The following PIEZO2 variants were observed in gnomAD, a reference collection of about 807,000 sequenced individuals.
The protein encoded by PIEZO2 is piezo type mechanosensitive ion channel component 2.
Under a neutral mutation model 337.3 loss-of-function variants are expected in PIEZO2, and 172 were observed. The ratio of observed to expected loss-of-function variants is 0.51; its 90% CI spans 0.45 to 0.58. The LOEUF (loss-of-function observed/expected upper bound fraction) is 0.58, where lower values mean the gene tolerates loss of function less well. PIEZO2 is among the 20% of genes least tolerant of loss of function. The pLI is 0.00. For missense variants in PIEZO2, 3,028 were observed against 3,391.3 expected (o/e 0.89, Z 2.66); for synonymous variants, 1,251 against 1,228.5 (o/e 1.02, Z -0.38).
intron 28 of PIEZO2, among the ~76,000 whole-genome samples, chr18:10,752,048 A>T (rs2062238473): frequency 6.6e-6 from 1 of 152,138 alleles, no homozygotes; most frequent in Non-Finnish European, 1.5e-5. Flanking sequence ...CTGTGTCCTG[A>T]TCTGAATGTC....
Position 10,784,978 on chromosome 18 carries a change from A to G in PIEZO2, c.2319-21T>C. 1 of 1,523,864 alleles carries G rather than the reference A, an allele frequency of 6.6e-7. No individual in the cohort carries two copies. The highest frequency in any genetic ancestry group is 2.5e-5 in the East Asian group (1 of 40,794). 94.4% of individuals were successfully genotyped at this position (1,523,864 alleles called of 1,614,324 possible). On this transcript the variant is annotated intron_variant, in intron 16 of 55. Coordinates refer to ENST00000674853, the MANE Select transcript of PIEZO2 (RefSeq NM_001378183.1). The surrounding 1 kb of genome is among the most constrained non-coding windows in gnomAD (Gnocchi z 4.5). Reference sequence around the variant, plus strand: ...CAAGCCTGCAAAACAAAACAAAATAAAAAGCAGGAACCTCTCTTACGCAAT... The same window carrying G: ...CAAGCCTGCAAAACAAAACAAAATAGAAAGCAGGAACCTCTCTTACGCAAT...
At chr18:10,730,685 CT>C (rs1313005660) in intron 36 of PIEZO2, among the ~76,000 whole-genome samples, 16 of 152,036 alleles carry the variant, frequency 1.1e-4, no homozygotes, top group African/African-American at 3.4e-4. Context: ...TGTGCTTTCC[CT>C]TTTTTCTTGA....
In PIEZO2 at chr18:10,837,898, C is replaced by CA. The variant is rs2041067568; in HGVS notation, c.917+17454_917+17455insT. 6.6e-6 allele frequency among the ~76,000 whole-genome samples: 1 copy of CA among 152,072 alleles called. No homozygotes were observed. Reference sequence around the variant, plus strand: ...TCCCGAGTAGCTGGGATTACTGGTGCCTGCCACCATGCCCGGCTAATTTTT... The same window carrying CA: ...TCCCGAGTAGCTGGGATTACTGGTGCACTGCCACCATGCCCGGCTAATTTTT... On this transcript the variant is annotated intron_variant, in intron 7 of 55. Transcript: ENST00000674853. This position sits in a 1 kb window ranked among gnomAD's most constrained non-coding sequence, Gnocchi z 4.4.
chr18:10,983,397 A>G (rs1309870953), intron 2 of PIEZO2, among the ~76,000 whole-genome samples: 2 of 152,188 alleles, frequency 1.3e-5, no homozygotes, highest in Non-Finnish European at 2.9e-5. Flanking sequence ...AAGGTGGCAC[A>G]ACTTGGTATC....
intron 3 of PIEZO2, among the ~76,000 whole-genome samples, chr18:10,922,431 T>C (rs2031480347): frequency 6.6e-6 from 1 of 151,520 alleles, no homozygotes; most frequent in Non-Finnish European, 1.5e-5. Flanking sequence ...GACAAAGAGA[T>C]GAGGTGAGGC....
chr18:11,045,135 A>C (rs1413355169), intron 2 of PIEZO2, among the ~76,000 whole-genome samples: 1 of 151,872 alleles, frequency 6.6e-6, no homozygotes, highest in Non-Finnish European at 1.5e-5. Flanking sequence ...CTCTACTAAA[A>C]ATGCAAAACA....
At chr18:10,946,246 A>G (rs1352305335) in intron 3 of PIEZO2, among the ~76,000 whole-genome samples, 1 of 152,240 alleles carries the variant, frequency 6.6e-6, no homozygotes, top group South Asian at 2.1e-4. Flanking sequence ...TTGCAGGCAG[A>G]CAAACAAAGA....
intron 2 of PIEZO2, among the ~76,000 whole-genome samples, chr18:10,998,218 C>A (rs193194594): frequency 6.6e-6 from 1 of 152,168 alleles, no homozygotes; most frequent in Non-Finnish European, 1.5e-5. Flanking sequence ...GAAAATTAAC[C>A]TGCTATCAAA....
intron 18 of PIEZO2, among the ~76,000 whole-genome samples, chr18:10,778,075 C>T (rs1414828808): frequency 2.0e-5 from 3 of 152,158 alleles, no homozygotes; most frequent in African/African-American, 7.2e-5. Context: ...TTAATCAACT[C>T]TTAAGTTGAA....
In PIEZO2 at chr18:10,773,731, T is replaced by C. The variant is rs2038686648; in HGVS notation, c.2568-102A>G. ...GATAAACACAAATGAAATCAGTGCA[T>C]GTACAAAGACCTCACAAGGTGGGGT... On this transcript the variant is annotated intron_variant, in intron 19 of 55. Transcript: ENST00000674853. The surrounding 1 kb of genome is among the most constrained non-coding windows in gnomAD (Gnocchi z 5.3). 5 of 1,127,490 alleles carry C rather than the reference T, an allele frequency of 4.4e-6. No individual in the cohort carries two copies. Among genetic ancestry groups the C allele is most frequent in the Non-Finnish European group, 6.4e-6 (5 of 786,530 alleles). The allele number at this position is 1,127,490 out of a possible 1,614,324, so 69.8% of individuals were successfully genotyped here.
Position 11,069,238 on chromosome 18 carries a change from C to T in PIEZO2, c.65-3016G>A, listed in dbSNP as rs61454637. Among the ~76,000 whole-genome samples the T allele has an allele frequency of 0.14, 21,352 of 152,104 alleles. 2,183 individuals are homozygous for T. Among genetic ancestry groups the T allele is most frequent in the African/African-American group, 0.29 (12,098 of 41,448 alleles). On this transcript the variant is annotated intron_variant, in intron 1 of 55. Transcript: ENST00000674853. The surrounding 1 kb of genome is among the most constrained non-coding windows in gnomAD (Gnocchi z 4.9). ...AGGATAATACAAGGAAAGAAAATTACAGGCCAGTGTCCTTGATGAACACAG... is the reference window on the plus strand; with the variant it reads ...AGGATAATACAAGGAAAGAAAATTATAGGCCAGTGTCCTTGATGAACACAG...
At chr18:10,922,585 T>C (rs1231832482) in intron 3 of PIEZO2, among the ~76,000 whole-genome samples, 2 of 152,000 alleles carry the variant, frequency 1.3e-5, no homozygotes, top group Non-Finnish European at 2.9e-5. Context: ...GAGAAGACCC[T>C]GAGCATGAGT....
At chr18:11,093,035 G>T (rs944875382) in intron 1 of PIEZO2, among the ~76,000 whole-genome samples, 7 of 152,174 alleles carry the variant, frequency 4.6e-5, no homozygotes, top group African/African-American at 1.7e-4. Context: ...GTTTCCAGAA[G>T]ATTTTCAAAC....
At chr18:10,963,776 T>G (rs1473042548) in intron 3 of PIEZO2, among the ~76,000 whole-genome samples, 1 of 152,204 alleles carries the variant, frequency 6.6e-6, no homozygotes, top group African/African-American at 2.4e-5. Flanking sequence ...GACGACTGAG[T>G]ATTTCCGTAG....
chr18:11,083,771 G>A lies in PIEZO2; in HGVS notation c.65-17549C>T, dbSNP rs572030847. ...TCTCCGAGGCTAGAGGCACAACTAA[G>A]GTTCAAGGAACAGGAAAGCTTCCAT... On this transcript the variant is annotated intron_variant, in intron 1 of 55. Coordinates refer to ENST00000674853, the MANE Select transcript of PIEZO2 (RefSeq NM_001378183.1). This position sits in a 1 kb window ranked among gnomAD's most constrained non-coding sequence, Gnocchi z 4.4. Among the ~76,000 whole-genome samples, 1 of 152,328 alleles carries A rather than the reference G, an allele frequency of 6.6e-6. No homozygotes were observed. The highest frequency in any genetic ancestry group is 2.1e-4 in the South Asian group (1 of 4,820).
At chr18:11,142,150 T>C (rs1053782104) in intron 1 of PIEZO2, among the ~76,000 whole-genome samples, 2 of 152,212 alleles carry the variant, frequency 1.3e-5, no homozygotes, top group Non-Finnish European at 2.9e-5. Context: ...AAAACTTATA[T>C]GTATATGCTG....
intron 49 of PIEZO2, among the ~76,000 whole-genome samples, chr18:10,689,035 C>T (rs1337050450): frequency 6.6e-6 from 1 of 152,134 alleles, no homozygotes; most frequent in East Asian, 1.9e-4. Flanking sequence ...ACAGAGGAGC[C>T]TTTTTCAAGG....
At chr18:10,908,451 T>C (rs933683619) in intron 4 of PIEZO2, 2 of 152,200 alleles carry the variant, frequency 1.3e-5, no homozygotes, top group African/African-American at 4.8e-5. Flanking sequence ...ACCAGATAGC[T>C]GTATTTAAGA....
intron 7 of PIEZO2, among the ~76,000 whole-genome samples, chr18:10,829,336 A>G: frequency 6.6e-6 from 1 of 152,204 alleles, no homozygotes; most frequent in East Asian, 1.9e-4. Context: ...ATAGACCCAC[A>G]GATAGTATCA....
Sources: gnomAD v4.1 joint callset for allele counts (sites outside exome capture counted in the v4.1 genomes callset) on GRCh38, gnomAD v4.1.1 for gene constraint, Gnocchi (gnomAD v3.1) non-coding constraint, MANE v1.5 for transcripts, NCBI Gene and HGNC (gene_info 2026-07-23, HGNC 2026-07-21) for gene names.